Variants in ZFP1 observed in about 807,000 individuals in gnomAD.
ZFP1 encodes ZFP1 zinc finger protein.
Under a neutral mutation model 38.5 loss-of-function variants are expected in ZFP1, and 32 were observed. That is an observed-to-expected ratio of 0.83 (90% confidence interval 0.63 to 1.12). The LOEUF (loss-of-function observed/expected upper bound fraction) is 1.12. ZFP1 is among the 50% of genes most tolerant of loss of function. ZFP1 has a pLI of 0.00. For missense variants in ZFP1, 616 were observed against 480.8 expected, an observed-to-expected ratio of 1.28 and a Z score of -2.63; for synonymous variants, 245 against 168.8, an observed-to-expected ratio of 1.45 and a Z score of -3.50.
chr16:75,147,078 G>A (rs1439224018), upstream of ZFP1, among the ~76,000 whole-genome samples: 1 of 152,002 alleles, frequency 6.6e-6, no homozygotes, highest in African/African-American at 2.4e-5. Context: ...ACCTGCAAAA[G>A]GCAAAACTAT....
chr16:75,166,582 T>C lies in ZFP1; in HGVS notation c.16-188T>C, dbSNP rs768242955. On this transcript the variant is annotated intron_variant, in intron 2 of 3. Transcript: ENST00000570010. Reference sequence around the variant, plus strand: ...ATCAAATATGACAGTGCCAGAGATATAGGGGAATCTGAATAAATCTCAACT... The same window carrying C: ...ATCAAATATGACAGTGCCAGAGATACAGGGGAATCTGAATAAATCTCAACT... The C allele has an allele frequency of 1.7e-5, 17 of 985,232 alleles. 1 individual carries two copies. The South Asian group carries it at 2.3e-4, about 14-fold the overall frequency. The allele number at this position is 985,232 out of a possible 1,614,324, so 61.0% of individuals were successfully genotyped here.
At chr16:75,141,410 T>A in the ZFP1 span, among the ~76,000 whole-genome samples, 18 of 151,822 alleles carry the variant, frequency 1.2e-4, no homozygotes, top group Non-Finnish European at 2.5e-4. Flanking sequence ...TTTCATCGTG[T>A]TAGCCAGGAT....
At chr16:75,156,988 C>T (rs966360199) in intron 2 of ZFP1, 6 of 152,196 alleles carry the variant, frequency 3.9e-5, no homozygotes, top group African/African-American at 1.4e-4. Context: ...CTCAGAATGC[C>T]AGCTTTTGAA....
intron 2 of ZFP1, among the ~76,000 whole-genome samples, chr16:75,163,870 C>G (rs1454897726): frequency 1.3e-5 from 2 of 152,164 alleles, no homozygotes; most frequent in Admixed American, 1.3e-4. Flanking sequence ...GTCATCCTCC[C>G]AAATGCTGGG....
chr16:75,151,122 G>A (rs2037183630), intron 1 of ZFP1, among the ~76,000 whole-genome samples: 1 of 151,956 alleles, frequency 6.6e-6, no homozygotes, highest in Non-Finnish European at 1.5e-5. Flanking sequence ...GCCTCCCAAA[G>A]TGCTGGGTTT....
the ZFP1 span, among the ~76,000 whole-genome samples, chr16:75,125,710 T>G: frequency 6.6e-6 from 1 of 152,194 alleles, no homozygotes; most frequent in Non-Finnish European, 1.5e-5. Context: ...CATGTTGTTT[T>G]TACTAGGGCT....
At chr16:75,141,533 C>G in the ZFP1 span, among the ~76,000 whole-genome samples, 1 of 151,854 alleles carries the variant, frequency 6.6e-6, no homozygotes, top group Non-Finnish European at 1.5e-5. Context: ...TCATATCCAA[C>G]TAAATCAGAG....
At chr16:75,136,872 A>G in the ZFP1 span, among the ~76,000 whole-genome samples, 1 of 151,932 alleles carries the variant, frequency 6.6e-6, no homozygotes, top group South Asian at 2.1e-4. Flanking sequence ...CCCTGTCTCA[A>G]AAAAGAAAAG....
intron 1 of ZFP1, among the ~76,000 whole-genome samples, chr16:75,151,615 C>T (rs988929629): frequency 6.6e-6 from 1 of 152,114 alleles, no homozygotes; most frequent in Non-Finnish European, 1.5e-5. Flanking sequence ...CAATTTCATC[C>T]TCCCGTCTTT....
rs868636421 is a variant in ZFP1 at position 75,171,106 on chromosome 16, C to T, written c.*772C>T. 1 of 152,150 alleles carries T rather than the reference C, an allele frequency of 6.6e-6. No homozygotes were observed. The allele number at this position is 152,150 out of a possible 1,614,324, so 9.4% of individuals were successfully genotyped here. On this transcript the variant is annotated 3_prime_UTR_variant, in exon 4 of 4. Transcript: ENST00000570010. ...TATGCACCACAGAATAAGAGTTTGC[C>T]GTGTAAAGACAATATCCCCATTCGT...
chr16:75,137,762 G>C, the ZFP1 span, among the ~76,000 whole-genome samples: 1 of 151,812 alleles, frequency 6.6e-6, no homozygotes, highest in Non-Finnish European at 1.5e-5. Flanking sequence ...CAACACGCCC[G>C]GCCCCAAAAT....
In ZFP1 at chr16:75,158,521, A is replaced by AT. The variant is rs920614259; in HGVS notation, c.15+5563dup. On this transcript the variant is annotated intron_variant, in intron 2 of 3. Transcript: ENST00000570010. ...GTTAATTTTAATTTTAATTTTTTTT[A>AT]TTTTTTTTGTCGTGATGAGATCTTG... Among the ~76,000 whole-genome samples the AT allele has an allele frequency of 5.4e-5, 8 of 147,020 alleles. No homozygotes were observed. In the East Asian group the frequency reaches 6.1e-4, roughly 11 times the overall value.
In ZFP1 at chr16:75,170,286, G is replaced by A. The variant is rs748433549; in HGVS notation, c.1176G>A (p.Lys392=). ...AATGTGGGAAGGCCTTTAGCAGGAAGTCCCGACTCAGTGTCCATCAGAGAG... is the reference window on the plus strand; with the variant it reads ...AATGTGGGAAGGCCTTTAGCAGGAAATCCCGACTCAGTGTCCATCAGAGAG... ...CSECGKAFSR[K]SRLSVHQRVH... is the part of the protein sequence containing the mutation. The change falls in exon 4 of 4, where the codon AAG becomes AAA. Residue 392 remains lysine (K), a synonymous_variant. Coordinates refer to ENST00000570010, the MANE Select transcript of ZFP1 (RefSeq NM_153688.4). 2 of 1,609,728 alleles carry A rather than the reference G, an allele frequency of 1.2e-6. No individual in the cohort carries two copies. Among genetic ancestry groups the A allele is most frequent in the African/African-American group, 2.7e-5 (2 of 74,864 alleles).
At chr16:75,158,437 G>A (rs867781253) in intron 2 of ZFP1, among the ~76,000 whole-genome samples, 1 of 151,688 alleles carries the variant, frequency 6.6e-6, no homozygotes, top group African/African-American at 2.4e-5. Flanking sequence ...GCTCATTGCA[G>A]CCTCAAGCAG....
At chr16:75,165,436 C>G (rs1027079587) in intron 2 of ZFP1, among the ~76,000 whole-genome samples, 1 of 151,914 alleles carries the variant, frequency 6.6e-6, no homozygotes, top group South Asian at 2.1e-4. Context: ...GCTCTGTCAC[C>G]CAGGCTCAAG....
chr16:75,169,326 T>C lies in ZFP1; in HGVS notation c.216T>C (p.Ile72=). Residue 72 remains isoleucine, a synonymous_variant, in exon 4 of 4, where the codon ATT becomes ATC. Coordinates refer to ENST00000570010, the MANE Select transcript of ZFP1 (RefSeq NM_153688.4). Reference sequence around the variant, plus strand: ...ACGAGCAGGCGAGGCAATTTTTAATTCTTAAGAACCAAACCCCAATTGAGG... The same window carrying C: ...ACGAGCAGGCGAGGCAATTTTTAATCCTTAAGAACCAAACCCCAATTGAGG... ...NPDEQARQFL[I]LKNQTPIEER... is the part of the protein sequence containing the mutation. 6.2e-7 allele frequency: 1 copy of C among 1,614,104 alleles called. No homozygotes were observed. Among genetic ancestry groups the C allele is most frequent in the Admixed American group, 1.7e-5 (1 of 59,996 alleles).
the ZFP1 span, among the ~76,000 whole-genome samples, chr16:75,135,085 C>T: frequency 6.6e-6 from 1 of 151,362 alleles, no homozygotes; most frequent in South Asian, 2.1e-4. Flanking sequence ...TAGCTGGTGC[C>T]TGTAATCCCA....
chr16:75,129,704 C>G, the ZFP1 span, among the ~76,000 whole-genome samples: 1 of 152,196 alleles, frequency 6.6e-6, no homozygotes, highest in African/African-American at 2.4e-5. Context: ...ACAAACTGTG[C>G]TGTGATCACC....
chr16:75,134,337 T>C, the ZFP1 span, among the ~76,000 whole-genome samples: 2 of 152,208 alleles, frequency 1.3e-5, no homozygotes, highest in South Asian at 4.1e-4. Context: ...TTTATTAATT[T>C]TGTGAAATTT....
Sources: allele counts gnomAD v4.1 joint callset (sites outside exome capture counted in the v4.1 genomes callset), GRCh38; gene constraint gnomAD v4.1.1; transcripts MANE v1.5; gene names NCBI Gene and HGNC (gene_info 2026-07-23, HGNC 2026-07-21).